ARHGAP15: variants seen among roughly 807,000 people sequenced by gnomAD.
ARHGAP15 encodes the protein rho GTPase-activating protein 15.
A neutral mutation model predicts 63.7 loss-of-function variants in ARHGAP15; 51 were observed. That is an observed-to-expected ratio of 0.80 (90% CI 0.64 to 1.01). ARHGAP15 has a LOEUF of 1.01. Ranked by LOEUF, ARHGAP15 falls within the 50% of genes least tolerant of loss-of-function variation. ARHGAP15 has a pLI of 0.00. For missense variants in ARHGAP15, 560 were observed against 564.6 expected, an observed-to-expected ratio of 0.99 and a Z score of 0.08; for synonymous variants, 191 against 193.8, an observed-to-expected ratio of 0.99 and a Z score of 0.12.
chr2:143,381,215 G>C (rs1388456735), intron 6 of ARHGAP15, among the ~76,000 whole-genome samples: 3 of 152,060 alleles, frequency 2.0e-5, no homozygotes, highest in African/African-American at 7.2e-5. Context: ...GAGTTGTTTG[G>C]CTTTGCTGTG....
At chr2:143,157,637 C>T (rs997129624) in intron 2 of ARHGAP15, among the ~76,000 whole-genome samples, 1 of 151,604 alleles carries the variant, frequency 6.6e-6, no homozygotes, top group Non-Finnish European at 1.5e-5. Context: ...TGTGTCATTT[C>T]ACCGAGAAAA....
intron 5 of ARHGAP15, among the ~76,000 whole-genome samples, chr2:143,241,804 G>A (rs750819965): frequency 4.6e-5 from 7 of 152,136 alleles, no homozygotes; most frequent in Non-Finnish European, 1.0e-4. Flanking sequence ...CTTTATCTGG[G>A]AGGTACAAAT....
At chr2:143,544,109 G>GT (rs1317533966) in intron 10 of ARHGAP15, among the ~76,000 whole-genome samples, 5 of 152,150 alleles carry the variant, frequency 3.3e-5, no homozygotes, top group Non-Finnish European at 5.9e-5. Context: ...TAGGGAAGAT[G>GT]TTTTTGTCTT....
intron 11 of ARHGAP15, among the ~76,000 whole-genome samples, chr2:143,592,063 A>C (rs1207308997): frequency 6.6e-6 from 1 of 152,190 alleles, no homozygotes; most frequent in East Asian, 1.9e-4. Flanking sequence ...TTTCCTGGAT[A>C]ATATGCCCTT....
At chr2:143,757,343 C>T (rs755746512) in intron 13 of ARHGAP15, among the ~76,000 whole-genome samples, 23 of 151,942 alleles carry the variant, frequency 1.5e-4, no homozygotes, top group Non-Finnish European at 2.6e-4. Flanking sequence ...AACCCCGTCT[C>T]TACTAAAAAT....
intron 12 of ARHGAP15, among the ~76,000 whole-genome samples, chr2:143,699,467 G>A (rs1439711678): frequency 6.6e-6 from 1 of 152,146 alleles, no homozygotes; most frequent in Non-Finnish European, 1.5e-5. Flanking sequence ...GAAAAAGAGA[G>A]AAAAATATTT....
chr2:143,439,841 T>C (rs1689798982), intron 8 of ARHGAP15, among the ~76,000 whole-genome samples: 1 of 152,118 alleles, frequency 6.6e-6, no homozygotes, highest in Non-Finnish European at 1.5e-5. Flanking sequence ...TGGATAGAAA[T>C]ATTATGTTAA....
chr2:143,221,285 C>G (rs1692988127), intron 4 of ARHGAP15, among the ~76,000 whole-genome samples: 1 of 151,804 alleles, frequency 6.6e-6, no homozygotes, highest in Admixed American at 6.6e-5. Context: ...CTCTTTCTCT[C>G]AAAGAAAATT....
At chr2:143,639,963 A>G (rs1220186036) in intron 12 of ARHGAP15, among the ~76,000 whole-genome samples, 2 of 152,154 alleles carry the variant, frequency 1.3e-5, no homozygotes, top group African/African-American at 4.8e-5. Context: ...TAGTTGGGAC[A>G]TTTTAAAATA....
chr2:143,424,116 C>A (rs938646731), intron 6 of ARHGAP15, among the ~76,000 whole-genome samples: 1 of 152,034 alleles, frequency 6.6e-6, no homozygotes, highest in East Asian at 1.9e-4. Flanking sequence ...TCAAATCACT[C>A]GTGGAGCTCT....
chr2:143,681,539 A>C (rs1166211433), intron 12 of ARHGAP15, among the ~76,000 whole-genome samples: 1 of 152,200 alleles, frequency 6.6e-6, no homozygotes, highest in African/African-American at 2.4e-5. Context: ...AAATTTGTGG[A>C]GAGTCATGGC....
At chr2:143,437,950 A>G (rs11892011) in intron 8 of ARHGAP15, among the ~76,000 whole-genome samples, 135,607 of 152,128 alleles carry the variant, frequency 0.89, 60,778 homozygotes, top group Middle Eastern at 0.97. Flanking sequence ...CTTGAACCAG[A>G]GAGTCAGAGG....
At chr2:143,505,236 C>T (rs1210484197) in intron 9 of ARHGAP15, among the ~76,000 whole-genome samples, 2 of 152,174 alleles carry the variant, frequency 1.3e-5, no homozygotes, top group East Asian at 3.9e-4. Context: ...TAGGCAGATC[C>T]AACTGAGATA....
chr2:143,559,224 T>C (rs1282154810), intron 11 of ARHGAP15, among the ~76,000 whole-genome samples: 1 of 152,188 alleles, frequency 6.6e-6, no homozygotes, highest in African/African-American at 2.4e-5. Flanking sequence ...TTGCATTTCC[T>C]GCCTTTAAAA....
intron 9 of ARHGAP15, among the ~76,000 whole-genome samples, chr2:143,514,760 T>C (rs1363580550): frequency 6.6e-6 from 1 of 152,180 alleles, no homozygotes; most frequent in East Asian, 1.9e-4. Context: ...AGGGTTGCCC[T>C]CAGTTCTGTG....
chr2:143,333,817 G>A (rs1684654187), intron 6 of ARHGAP15, among the ~76,000 whole-genome samples: 1 of 152,162 alleles, frequency 6.6e-6, no homozygotes, highest in African/African-American at 2.4e-5. Context: ...TGGATACATT[G>A]GGTGGTAAAC....
chr2:143,594,719 T>C (rs1697445872), intron 11 of ARHGAP15, among the ~76,000 whole-genome samples: 1 of 152,186 alleles, frequency 6.6e-6, no homozygotes, highest in South Asian at 2.1e-4. Flanking sequence ...TTAATGTTTT[T>C]CCCTATGGAA....
At chr2:143,295,406 C>T (rs1682591612) in intron 6 of ARHGAP15, 1 of 146,954 alleles carries the variant, frequency 6.8e-6, no homozygotes. Flanking sequence ...TCTCTCATCT[C>T]AAGGAAGTTA....
chr2:143,471,819 C>T (rs182744864), intron 8 of ARHGAP15, among the ~76,000 whole-genome samples: 2 of 152,250 alleles, frequency 1.3e-5, no homozygotes, highest in Admixed American at 6.5e-5. Flanking sequence ...TGAATGCTTA[C>T]CCAGGAGACA....
Sources: allele counts gnomAD v4.1 joint callset (sites outside exome capture counted in the v4.1 genomes callset), GRCh38; gene constraint gnomAD v4.1.1; transcripts MANE v1.5; gene names NCBI Gene and HGNC (gene_info 2026-07-23, HGNC 2026-07-21).